The following CHMP3 variants were observed in gnomAD, a reference collection of about 807,000 sequenced individuals.
CHMP3 encodes the protein 25.1 protein.
A neutral mutation model predicts 27.4 loss-of-function variants in CHMP3; 8 were observed. The ratio of observed to expected loss-of-function variants is 0.29; its 90% CI spans 0.17 to 0.53. The LOEUF (loss-of-function observed/expected upper bound fraction) is 0.53. CHMP3 is among the 20% of genes least tolerant of loss of function. CHMP3 has a pLI of 0.96. For synonymous variants in CHMP3, 86 were observed against 85.5 expected, an observed-to-expected ratio of 1.01 and a Z score of -0.03; for missense variants, 208 against 271.5, an observed-to-expected ratio of 0.77 and a Z score of 1.64.
rs1228140911 is a variant in CHMP3, at chr2:86,526,680, C to CTATA, written c.286+2537_286+2538insTATA. On this transcript the variant is annotated intron_variant, in intron 3 of 5. Transcript: ENST00000263856. Reference sequence around the variant, plus strand: ...GAGCATGCTCTCTCTCTCTCTCTCTCTCTATATATATATACACATACACAT... The same window carrying CTATA: ...GAGCATGCTCTCTCTCTCTCTCTCTCTATATCTATATATATATACACATACACAT... Among the ~76,000 whole-genome samples, 305 of 149,696 alleles carry CTATA rather than the reference C, an allele frequency of 2.0e-3. 2 individuals are homozygous for CTATA. The highest frequency in any genetic ancestry group is 6.8e-3 in the African/African-American group (276 of 40,570).
intron 4 of CHMP3, among the ~76,000 whole-genome samples, chr2:86,508,668 C>T (rs1573234497): frequency 6.6e-6 from 1 of 152,152 alleles, no homozygotes; most frequent in East Asian, 1.9e-4. Flanking sequence ...TTGTACTCAG[C>T]CAGGGTACAA....
intron 3 of CHMP3, among the ~76,000 whole-genome samples, chr2:86,515,818 T>C (rs1012334953): frequency 4.0e-4 from 61 of 152,318 alleles, no homozygotes; most frequent in Non-Finnish European, 6.5e-4. Flanking sequence ...TTTTCTCTTT[T>C]CTTTTTTGTA....
chr2:86,562,634 T>C (rs939534093), intron 1 of CHMP3: 1 of 152,222 alleles, frequency 6.6e-6, no homozygotes, highest in African/African-American at 2.4e-5. Context: ...GAAGGCAGGA[T>C]TCAAACTTAG....
intron 3 of CHMP3, among the ~76,000 whole-genome samples, chr2:86,513,758 C>T (rs1675192772): frequency 1.3e-5 from 2 of 152,328 alleles, no homozygotes; most frequent in Admixed American, 6.5e-5. Context: ...CCATTTGTAT[C>T]ATGAGACTGA....
At chr2:86,538,047 T>G (rs777628504) in intron 2 of CHMP3, among the ~76,000 whole-genome samples, 20 of 152,094 alleles carry the variant, frequency 1.3e-4, no homozygotes, top group Non-Finnish European at 2.4e-4. Context: ...AGTATATAAA[T>G]AAAATATGGT....
intron 1 of CHMP3, among the ~76,000 whole-genome samples, chr2:86,546,209 C>G (rs1373848414): frequency 6.6e-6 from 1 of 152,122 alleles, no homozygotes; most frequent in Admixed American, 6.5e-5. Flanking sequence ...ACCAGAAATA[C>G]AAAAACCAGT....
Position 86,529,315 on chromosome 2 carries a change from C to T in CHMP3, c.189G>A (p.Leu63=). ...TCCTTGACCTGATCATCTCCTTGGC[C>T]AGAACTATGCAGACATCCTTCTGGC... ...KKGQKDVCIV[L]AKEMIRSRKA... is the part of the protein sequence containing the mutation. Residue 63 remains leucine (L), a synonymous_variant, in exon 3 of 6, where the codon CTG becomes CTA. Coordinates refer to ENST00000263856, the MANE Select transcript of CHMP3 (RefSeq NM_016079.4). The T allele has an allele frequency of 1.9e-6, 3 of 1,613,604 alleles. No individual in the cohort carries two copies. In the South Asian group the frequency reaches 3.3e-5, roughly 18 times the overall value.
chr2:86,560,398 C>T (rs999185475), intron 1 of CHMP3, among the ~76,000 whole-genome samples: 10 of 152,266 alleles, frequency 6.6e-5, no homozygotes, highest in African/African-American at 2.4e-4. Context: ...GATGAGTTCA[C>T]GTCCTTTGCA....
In CHMP3 at chr2:86,505,830, A is replaced by G; in HGVS notation, c.643T>C (p.Ser215Pro). The change falls in exon 6 of 6, where the codon TCC (serine) becomes CCC (proline). Residue 215 changes from serine (S) to proline (P), a missense_variant. Transcript: ENST00000263856. Reference protein sequence around the residue: ...EEEEALEAMQSRLATLRS With the variant: ...EEEEALEAMQPRLATLRS ...TAGCTGCGGAGTGTGGCCAGCCGGG[A>G]CTGCATGGCCTCCAGAGCCTCTTCC... The G allele has an allele frequency of 6.3e-7, 1 of 1,595,956 alleles. No homozygotes were observed. Among genetic ancestry groups the G allele is most frequent in the Non-Finnish European group, 8.5e-7 (1 of 1,170,832 alleles).
chr2:86,529,113 A>G lies in CHMP3; in HGVS notation c.286+105T>C. On this transcript the variant is annotated intron_variant, in intron 3 of 5. Coordinates refer to ENST00000263856, the MANE Select transcript of CHMP3 (RefSeq NM_016079.4). ...ACAACACTCAACACTAAGAAAATAC[A>G]AAGAATAAAAACCAGAGTTGAGTTT... 3.1e-6 allele frequency: 4 copies of G among 1,280,848 alleles called. No individual in the cohort carries two copies. The South Asian group carries it at 7.5e-5, about 24-fold the overall frequency. The allele number at this position is 1,280,848 out of a possible 1,614,324, so 79.3% of individuals were successfully genotyped here. A position where few individuals can be genotyped will look rare whatever the true frequency, so the allele number is the denominator to read the frequency against.
In CHMP3 at chr2:86,555,500, CA is replaced by C. The variant is rs1322848444; in HGVS notation, c.45+7803del. Among the ~76,000 whole-genome samples, 553 of 123,394 alleles carry C rather than the reference CA, an allele frequency of 4.5e-3. 7 individuals carry two copies. The highest frequency in any genetic ancestry group is 0.015 in the African/African-American group (531 of 35,598). 81.0% of individuals were successfully genotyped at this position (123,394 alleles called of 152,430 possible). On this transcript the variant is annotated intron_variant, in intron 1 of 5. Transcript: ENST00000263856. ...CTGGCGACAGAGCAAGACTCCATCT[CA>C]AAAAAAAAAATAAATAAATAAATAA...
At chr2:86,525,646 A>G (rs1675675314) in intron 3 of CHMP3, among the ~76,000 whole-genome samples, 1 of 152,208 alleles carries the variant, frequency 6.6e-6, no homozygotes, top group Admixed American at 6.5e-5. Flanking sequence ...GCCACAGTGA[A>G]ATTTGACACC....
In CHMP3 at chr2:86,507,510, T is replaced by A. The variant is rs912806492; in HGVS notation, c.492A>T (p.Glu164Asp). ...QEEMEEEAEMEIDRILFEITA... is the reference protein window; with the variant it reads ...QEEMEEEAEMDIDRILFEITA... ...TAATTTCAAAGAGAATTCTGTCAAT[T>A]TCCATTTCTGCTTCTTCCTCCATTT... Residue 164 changes from glutamate (E) to aspartate (D), a missense_variant, in exon 5 of 6, where the codon GAA becomes GAT. Around this residue, in one of 3 missense-constraint regions of CHMP3, gnomAD observed 94 missense variants for 159.6 expected, o/e 0.59. Transcript: ENST00000263856. 6.2e-7 allele frequency: 1 copy of A among 1,614,036 alleles called. No homozygotes were observed. The highest frequency in any genetic ancestry group is 8.5e-7 in the Non-Finnish European group (1 of 1,180,026).
rs555335159 is a variant in CHMP3, at chr2:86,553,716, T to G, written c.45+9588A>C. Among the ~76,000 whole-genome samples, 4 of 152,300 alleles carry G rather than the reference T, an allele frequency of 2.6e-5. No individual in the cohort carries two copies. The South Asian group carries it at 8.3e-4, about 32-fold the overall frequency. On this transcript the variant is annotated intron_variant, in intron 1 of 5. Coordinates refer to ENST00000263856, the MANE Select transcript of CHMP3 (RefSeq NM_016079.4). ...TTTTAAAAAGTTATAAAAGACATACTGGGAACACCTGGGAAAATTTAAATA... is the reference window on the plus strand; with the variant it reads ...TTTTAAAAAGTTATAAAAGACATACGGGGAACACCTGGGAAAATTTAAATA...
intron 3 of CHMP3, among the ~76,000 whole-genome samples, chr2:86,521,308 T>C (rs1675515708): frequency 6.6e-6 from 1 of 152,200 alleles, no homozygotes; most frequent in African/African-American, 2.4e-5. Flanking sequence ...ATATAAGAGC[T>C]TGGAGCTCTC....
chr2:86,509,834 G>A (rs567271169), intron 4 of CHMP3, among the ~76,000 whole-genome samples: 5 of 152,330 alleles, frequency 3.3e-5, no homozygotes, highest in Admixed American at 6.5e-5. Flanking sequence ...GCCGGGGCTC[G>A]GCAGCAATGC....
chr2:86,556,060 T>A (rs182326693), intron 1 of CHMP3, among the ~76,000 whole-genome samples: 2 of 152,118 alleles, frequency 1.3e-5, no homozygotes, highest in Admixed American at 1.3e-4. Flanking sequence ...AACAAGCAAA[T>A]CCTTAAAATA....
intron 3 of CHMP3, among the ~76,000 whole-genome samples, chr2:86,514,094 AGTT>A (rs1156503123): frequency 1.3e-5 from 2 of 152,214 alleles, no homozygotes; most frequent in Admixed American, 1.3e-4. Context: ...GATGAGTGAG[AGTT>A]GGTTAGGATG....
intron 2 of CHMP3, among the ~76,000 whole-genome samples, chr2:86,532,918 A>G (rs143836905): frequency 1.3e-5 from 2 of 152,208 alleles, no homozygotes; most frequent in Non-Finnish European, 1.5e-5. Context: ...GTCTGATATG[A>G]TATCAGGACA....
Sources: gnomAD v4.1 joint callset for allele counts (sites outside exome capture counted in the v4.1 genomes callset) on GRCh38, gnomAD v4.1.1 for gene constraint, gnomAD v4.1.1 regional missense constraint, MANE v1.5 for transcripts, NCBI Gene and HGNC (gene_info 2026-07-23, HGNC 2026-07-21) for gene names.